CPE: variants seen among roughly 807,000 people sequenced by gnomAD.
CPE encodes carboxypeptidase E.
In CPE, 17 loss-of-function variants were observed where a neutral mutation model predicts 53.5. That is an observed-to-expected ratio of 0.32 (90% confidence interval 0.22 to 0.48). The LOEUF (loss-of-function observed/expected upper bound fraction) is 0.48, where lower values mean the gene tolerates loss of function less well. CPE is among the 20% of genes least tolerant of loss of function. The pLI is 0.99. For synonymous variants in CPE, 226 were observed against 228.8 expected (o/e 0.99, Z 0.11); for missense variants, 524 against 614.7 (o/e 0.85, Z 1.56).
chr4:165,448,450 C>T (rs1396993607), intron 1 of CPE, among the ~76,000 whole-genome samples: 1 of 152,122 alleles, frequency 6.6e-6, no homozygotes, highest in Non-Finnish European at 1.5e-5. Context: ...CCTAGCCCAT[C>T]TGCTGAGAAA....
At position 165,406,286 on chromosome 4, in the gene CPE, G is replaced by C. The variant is rs188500153; in HGVS notation, c.307+26758G>C. 5.0e-5 allele frequency: 30 copies of C among 597,790 alleles called. No individual in the cohort carries two copies. The African/African-American group carries it at 5.2e-4, about 10-fold the overall frequency. The allele number at this position is 597,790 out of a possible 1,614,324, so 37.0% of individuals were successfully genotyped here. A position where few individuals can be genotyped will look rare whatever the true frequency, so the allele number is the denominator to read the frequency against. On this transcript the variant is annotated intron_variant, in intron 1 of 8. Transcript: ENST00000402744. ...TAAAATTGCGGCGTATATAACCTTGGGAGCGGAGGATCCTGAAGGCAGAGA... is the reference window on the plus strand; with the variant it reads ...TAAAATTGCGGCGTATATAACCTTGCGAGCGGAGGATCCTGAAGGCAGAGA...
At chr4:165,406,711 C>T (rs1291723407) in intron 1 of CPE, among the ~76,000 whole-genome samples, 1 of 152,180 alleles carries the variant, frequency 6.6e-6, no homozygotes, top group East Asian at 1.9e-4. Flanking sequence ...TATATCATCA[C>T]CTCAAAAAGA....
intron 3 of CPE, among the ~76,000 whole-genome samples, chr4:165,479,005 A>C (rs1732353371): frequency 6.6e-6 from 1 of 152,198 alleles, no homozygotes; most frequent in Non-Finnish European, 1.5e-5. Flanking sequence ...ACTTATTGAA[A>C]TGTGAATATT....
chr4:165,429,839 T>C (rs17046419), intron 1 of CPE, among the ~76,000 whole-genome samples: 44,839 of 152,014 alleles, frequency 0.29, 6,681 homozygotes, highest in Middle Eastern at 0.39. Flanking sequence ...TCATTGTTTA[T>C]GCTGTGCTTG....
At chr4:165,435,137 T>C (rs960795855) in intron 1 of CPE, among the ~76,000 whole-genome samples, 2 of 152,214 alleles carry the variant, frequency 1.3e-5, no homozygotes, top group African/African-American at 4.8e-5. Context: ...CTTGTCTTTA[T>C]GAATTACCCA....
At chr4:165,496,324 TA>T (rs1291038274) in intron 8 of CPE, among the ~76,000 whole-genome samples, 2 of 152,242 alleles carry the variant, frequency 1.3e-5, no homozygotes, top group African/African-American at 4.8e-5. Flanking sequence ...ACTTGGAGTA[TA>T]AATGCTTGAT....
intron 1 of CPE, among the ~76,000 whole-genome samples, chr4:165,424,903 C>T (rs1275050884): frequency 7.6e-6 from 1 of 131,778 alleles, no homozygotes; most frequent in South Asian, 2.5e-4. Context: ...GAGACAGAGT[C>T]TAGCTTTGTC....
chr4:165,439,292 TA>T (rs1353006288), intron 1 of CPE, among the ~76,000 whole-genome samples: 1 of 129,528 alleles, frequency 7.7e-6, no homozygotes, highest in Non-Finnish European at 1.7e-5. Flanking sequence ...GAGCCAACTT[TA>T]AAATTTTAGT....
At position 165,495,637 on chromosome 4, in the gene CPE, TA is replaced by T. The variant is rs1382983643; in HGVS notation, c.1294del (p.Thr432GlnfsTer32). 2 of 1,613,934 alleles carry T rather than the reference TA, an allele frequency of 1.2e-6. No individual in the cohort carries two copies. Among genetic ancestry groups the T allele is most frequent in the Non-Finnish European group, 1.7e-6 (2 of 1,179,914 alleles). On this transcript the variant is annotated frameshift_variant, in exon 8 of 9. Transcript: ENST00000402744. LOFTEE classifies it high-confidence loss of function. ...GCCTCAGCTCCAGGCTATCTGGCAA[TA>T]ACAAAGAAAGTGGCAGTTCCTTACA... ...LTASAPGYLA[I>X]TKKVAVPYSP...
chr4:165,384,314 G>A (rs67694373), intron 1 of CPE, among the ~76,000 whole-genome samples: 36,739 of 152,070 alleles, frequency 0.24, 4,905 homozygotes, highest in African/African-American at 0.36. Context: ...AGTTAGATTC[G>A]TACTGTATAA....
rs7671883 is a variant in CPE at position 165,439,961 on chromosome 4, C to G, written c.308-24429C>G. Among the ~76,000 whole-genome samples, 931 of 152,262 alleles carry G rather than the reference C, an allele frequency of 6.1e-3. 10 individuals carry two copies. Among genetic ancestry groups the G allele is most frequent in the African/African-American group, 0.021 (882 of 41,562 alleles). Reference sequence around the variant, plus strand: ...TCCCTTGTTTATGAAGTTTATTTCTCTGTTTTCTATAATTTTTTGTTTAGC... The same window carrying G: ...TCCCTTGTTTATGAAGTTTATTTCTGTGTTTTCTATAATTTTTTGTTTAGC... On this transcript the variant is annotated intron_variant, in intron 1 of 8. Transcript: ENST00000402744.
chr4:165,454,174 C>T (rs1029346176), intron 1 of CPE, among the ~76,000 whole-genome samples: 14 of 152,134 alleles, frequency 9.2e-5, no homozygotes, highest in Admixed American at 6.5e-5. Context: ...TCCATCCCAC[C>T]ACTGCATATG....
At chr4:165,419,436 T>A (rs1731171312) in intron 1 of CPE, among the ~76,000 whole-genome samples, 1 of 152,220 alleles carries the variant, frequency 6.6e-6, no homozygotes, top group Non-Finnish European at 1.5e-5. Context: ...AACAAACTCA[T>A]GTATCGGTGT....
chr4:165,460,431 A>G (rs1731979728), intron 1 of CPE, among the ~76,000 whole-genome samples: 1 of 152,126 alleles, frequency 6.6e-6, no homozygotes, highest in Non-Finnish European at 1.5e-5. Context: ...AATCTTCTTG[A>G]TGGGAAATCA....
At position 165,486,382 on chromosome 4, in the gene CPE, T is replaced by C. The variant is rs192690718; in HGVS notation, c.974-1056T>C. On this transcript the variant is annotated intron_variant, in intron 5 of 8. Coordinates refer to ENST00000402744, the MANE Select transcript of CPE (RefSeq NM_001873.4). ...ATTCTCTTTGGTGCTATTTGAAGTA[T>C]TGTTATCATTATATCTTGTATGTAA... Among the ~76,000 whole-genome samples the C allele has an allele frequency of 3.6e-3, 541 of 152,312 alleles. 4 individuals carry two copies. Among genetic ancestry groups the C allele is most frequent in the African/African-American group, 0.012 (518 of 41,566 alleles).
chr4:165,411,698 A>G (rs1731045297), intron 1 of CPE, among the ~76,000 whole-genome samples: 2 of 152,222 alleles, frequency 1.3e-5, no homozygotes, highest in African/African-American at 4.8e-5. Context: ...TGTAGGGCAC[A>G]TGGCAAACAG....
chr4:165,384,386 G>C (rs1316348353), intron 1 of CPE, among the ~76,000 whole-genome samples: 1 of 152,280 alleles, frequency 6.6e-6, no homozygotes, highest in East Asian at 1.9e-4. Context: ...CTCACACCTG[G>C]TTGAGGCAGG....
chr4:165,459,637 C>T (rs1731958772), intron 1 of CPE, among the ~76,000 whole-genome samples: 3 of 137,660 alleles, frequency 2.2e-5, no homozygotes, highest in South Asian at 2.3e-4. Context: ...GGCGTGGTGG[C>T]TCACGTCTGT....
chr4:165,442,551 TG>T (rs1731632044), intron 1 of CPE, among the ~76,000 whole-genome samples: 1 of 152,184 alleles, frequency 6.6e-6, no homozygotes, highest in African/African-American at 2.4e-5. Flanking sequence ...CATCAGAGGT[TG>T]ATCTGTGCTG....
Sources: allele counts gnomAD v4.1 joint callset (sites outside exome capture counted in the v4.1 genomes callset), GRCh38; gene constraint gnomAD v4.1.1; transcripts MANE v1.5; gene names NCBI Gene and HGNC (gene_info 2026-07-23, HGNC 2026-07-21).